PPARGC1A: variants seen among roughly 807,000 people sequenced by gnomAD.
The protein encoded by PPARGC1A is peroxisome proliferator-activated receptor gamma coactivator 1-alpha.
In PPARGC1A, 25 loss-of-function variants were observed where a neutral mutation model predicts 88.7. The observed-to-expected ratio is 0.28, with a 90% CI of 0.21 to 0.39. PPARGC1A has a LOEUF of 0.39. PPARGC1A is among the 10% of genes least tolerant of loss of function. PPARGC1A has a pLI of 1.00. For synonymous variants in PPARGC1A, 363 were observed against 355.6 expected, an observed-to-expected ratio of 1.02 and a Z score of -0.24; for missense variants, 880 against 968.7, an observed-to-expected ratio of 0.91 and a Z score of 1.22.
At chr4:24,209,507 C>A in the PPARGC1A span, among the ~76,000 whole-genome samples, 1 of 152,332 alleles carries the variant, frequency 6.6e-6, no homozygotes, top group African/African-American at 2.4e-5. Context: ...CTACAGGGCA[C>A]AGCACAGCCC....
At chr4:24,142,390 G>A in the PPARGC1A span, among the ~76,000 whole-genome samples, 844 of 152,192 alleles carry the variant, frequency 5.5e-3, 4 homozygotes, top group Middle Eastern at 0.027. Context: ...AATGGGGAGG[G>A]GGCTGGGTGC....
At chr4:24,451,468 C>T in the PPARGC1A span, among the ~76,000 whole-genome samples, 1 of 152,214 alleles carries the variant, frequency 6.6e-6, no homozygotes, top group Admixed American at 6.5e-5. Flanking sequence ...TAGTCCAGTT[C>T]TTCTACCTAC....
chr4:24,338,615 G>A, the PPARGC1A span, among the ~76,000 whole-genome samples: 17 of 152,184 alleles, frequency 1.1e-4, no homozygotes, highest in East Asian at 1.2e-3. Flanking sequence ...ACCAACCCCC[G>A]TTTCAAGTCC....
chr4:24,008,566 G>A, the PPARGC1A span, among the ~76,000 whole-genome samples: 3 of 152,134 alleles, frequency 2.0e-5, no homozygotes, highest in African/African-American at 7.2e-5. Context: ...GGTAAGCACA[G>A]TTTACAAAGC....
the PPARGC1A span, among the ~76,000 whole-genome samples, chr4:23,931,398 C>T: frequency 6.6e-6 from 1 of 151,040 alleles, no homozygotes; most frequent in African/African-American, 2.4e-5. Context: ...TAGACTAGCT[C>T]TATTTTATTT....
the PPARGC1A span, among the ~76,000 whole-genome samples, chr4:24,168,188 C>G: frequency 6.6e-6 from 1 of 152,156 alleles, no homozygotes. Flanking sequence ...TGTGCTTTAT[C>G]GCCATATTTG....
the PPARGC1A span, among the ~76,000 whole-genome samples, chr4:24,428,743 G>C: frequency 6.6e-6 from 1 of 152,184 alleles, no homozygotes; most frequent in South Asian, 2.1e-4. Context: ...AACATAATAG[G>C]AAGATATTCA....
At chr4:23,941,359 T>G in the PPARGC1A span, among the ~76,000 whole-genome samples, 1 of 152,202 alleles carries the variant, frequency 6.6e-6, no homozygotes, top group Non-Finnish European at 1.5e-5. Context: ...TACCCAGTTT[T>G]AATTTTTTTT....
At chr4:23,989,292 G>A in the PPARGC1A span, among the ~76,000 whole-genome samples, 1 of 151,922 alleles carries the variant, frequency 6.6e-6, no homozygotes, top group African/African-American at 2.4e-5. Flanking sequence ...TGTAGCAGTT[G>A]AACACTGCAT....
At chr4:24,277,785 G>T in the PPARGC1A span, among the ~76,000 whole-genome samples, 1 of 152,116 alleles carries the variant, frequency 6.6e-6, no homozygotes, top group African/African-American at 2.4e-5. Context: ...TGGGGGTCAG[G>T]ACAGGAGAGC....
At chr4:23,801,698 A>G (rs1012096812) in intron 12 of PPARGC1A, 32 bp downstream of exon 12, 3 of 1,612,186 alleles carry the variant, frequency 1.9e-6, no homozygotes, top group Non-Finnish European at 2.5e-6. Flanking sequence ...TACATTATGG[A>G]TTCCTCATTC....
Position 23,829,481 on chromosome 4 carries a change from T to G in PPARGC1A, c.534A>C (p.Thr178=). ...TTTGTACCTTAACAATTGCAGGGTTTGTTCTGATCCTGTGATTGTGATTTG... is the reference window on the plus strand; with the variant it reads ...TTTGTACCTTAACAATTGCAGGGTTGGTTCTGATCCTGTGATTGTGATTTG... ...NHANHNHRIR[T]NPAIVKTENS... is the part of the protein sequence containing the mutation. Residue 178 remains threonine, a synonymous_variant, in exon 4 of 13, where the codon ACA becomes ACC. Transcript: ENST00000264867. 1.2e-6 allele frequency: 2 copies of G among 1,613,724 alleles called. No individual in the cohort carries two copies. Among genetic ancestry groups the G allele is most frequent in the Non-Finnish European group, 1.7e-6 (2 of 1,179,674 alleles).
chr4:24,317,596 ACAC>A, the PPARGC1A span, among the ~76,000 whole-genome samples: 2 of 131,134 alleles, frequency 1.5e-5, no homozygotes, highest in Non-Finnish European at 3.2e-5. Context: ...AAAAAAAAAA[ACAC>A]CACCACCAAA....
the PPARGC1A span, among the ~76,000 whole-genome samples, chr4:24,072,405 G>T: frequency 5.3e-5 from 8 of 151,726 alleles, no homozygotes; most frequent in Non-Finnish European, 7.4e-5. Flanking sequence ...GAGAGAAACA[G>T]GTGGGGTTAC....
At chr4:24,094,247 GTTAT>G in the PPARGC1A span, among the ~76,000 whole-genome samples, 1 of 152,130 alleles carries the variant, frequency 6.6e-6, no homozygotes, top group Non-Finnish European at 1.5e-5. Context: ...AGCTTCCAGT[GTTAT>G]TTGTTAAAAC....
At chr4:24,029,100 G>A in the PPARGC1A span, among the ~76,000 whole-genome samples, 17 of 151,978 alleles carry the variant, frequency 1.1e-4, no homozygotes, top group East Asian at 1.9e-4. Flanking sequence ...CTGTCCCTCC[G>A]TGTCCTACAA....
chr4:23,922,832 A>G, the PPARGC1A span, among the ~76,000 whole-genome samples: 1 of 152,146 alleles, frequency 6.6e-6, no homozygotes, highest in Non-Finnish European at 1.5e-5. Flanking sequence ...TTCCACACGC[A>G]ATTTACTAAA....
At chr4:24,278,518 T>C in the PPARGC1A span, among the ~76,000 whole-genome samples, 3 of 152,194 alleles carry the variant, frequency 2.0e-5, no homozygotes, top group Admixed American at 6.5e-5. Context: ...CACTTAAGGC[T>C]ACACACAAGA....
chr4:24,472,166 C>T, the PPARGC1A span, among the ~76,000 whole-genome samples: 1 of 152,050 alleles, frequency 6.6e-6, no homozygotes, highest in African/African-American at 2.4e-5. The surrounding 1 kb of genome is among the most constrained non-coding windows in gnomAD (Gnocchi z 4.5). Flanking sequence ...ACGGGAGGAA[C>T]GCGACAGAAC....
Sources: gnomAD v4.1 joint callset for allele counts (sites outside exome capture counted in the v4.1 genomes callset) on GRCh38, gnomAD v4.1.1 for gene constraint, Gnocchi (gnomAD v3.1) non-coding constraint, MANE v1.5 for transcripts, NCBI Gene and HGNC (gene_info 2026-07-23, HGNC 2026-07-21) for gene names.